The following TJP1 variants were observed in gnomAD, a reference collection of about 807,000 sequenced individuals.
The protein encoded by TJP1 is tight junction protein 1.
Under a neutral mutation model 194.2 loss-of-function variants are expected in TJP1, and 43 were observed. The ratio of observed to expected loss-of-function variants is 0.22; its 90% CI spans 0.17 to 0.29. The LOEUF (loss-of-function observed/expected upper bound fraction) is 0.29. Among genes scored for constraint, TJP1 ranks in the 10% least tolerant of loss-of-function variants. The pLI is 1.00. For missense variants in TJP1, 1,971 were observed against 2,185.7 expected (o/e 0.90, Z 1.96); for synonymous variants, 801 against 779.0 (o/e 1.03, Z -0.47).
chr15:29,821,294 C>G (rs41280062), intron 1 of TJP1: 1 of 152,110 alleles, frequency 6.6e-6, no homozygotes. Context: ...CTGAACTCAC[C>G]GGCCTTTACT....
chr15:29,791,788 T>C (rs1468410864), intron 2 of TJP1, among the ~76,000 whole-genome samples: 1 of 152,162 alleles, frequency 6.6e-6, no homozygotes, highest in African/African-American at 2.4e-5. Flanking sequence ...GCATTTGTTA[T>C]TGCCTGTCTT....
At chr15:29,938,047 C>G (rs754572756) in intron 2 of TJP1, among the ~76,000 whole-genome samples, 1 of 152,184 alleles carries the variant, frequency 6.6e-6, no homozygotes, top group Non-Finnish European at 1.5e-5. Context: ...AATACAGGAC[C>G]TGTAATATGC....
intron 2 of TJP1, among the ~76,000 whole-genome samples, chr15:29,950,098 C>T (rs1426840305): frequency 1.4e-5 from 1 of 70,398 alleles, no homozygotes; most frequent in African/African-American, 6.1e-5. Context: ...TCACCACCAC[C>T]TCCACCACCA....
chr15:29,919,126 G>C (rs1469178693), intron 2 of TJP1, among the ~76,000 whole-genome samples: 1 of 152,220 alleles, frequency 6.6e-6, no homozygotes, highest in Non-Finnish European at 1.5e-5. Flanking sequence ...GGTCTCAATA[G>C]CAACATTCAG....
At chr15:29,780,682 G>C (rs1290717190) in intron 2 of TJP1, among the ~76,000 whole-genome samples, 1 of 151,852 alleles carries the variant, frequency 6.6e-6, no homozygotes, top group Non-Finnish European at 1.5e-5. Context: ...AAGAGGGAGA[G>C]GATTAAAACT....
intron 18 of TJP1, among the ~76,000 whole-genome samples, chr15:29,722,901 T>C (rs2043019846): frequency 6.6e-6 from 1 of 152,250 alleles, no homozygotes; most frequent in East Asian, 1.9e-4. Flanking sequence ...TAAGATTTAA[T>C]GACTAATCTA....
chr15:29,840,749 G>A (rs926870572), intron 2 of TJP1, among the ~76,000 whole-genome samples: 3 of 152,184 alleles, frequency 2.0e-5, no homozygotes, highest in Non-Finnish European at 2.9e-5. Context: ...GGTTTGCTTA[G>A]ATAGGATGCC....
intron 8 of TJP1, chr15:29,759,776 A>G (rs902485891): frequency 6.4e-6 from 1 of 157,094 alleles, no homozygotes; most frequent in Non-Finnish European, 1.4e-5. Flanking sequence ...AGGTTCATCC[A>G]TGTTGTTCCA....
intron 2 of TJP1, among the ~76,000 whole-genome samples, chr15:29,916,338 C>T (rs943771765): frequency 4.0e-5 from 6 of 151,360 alleles, no homozygotes; most frequent in African/African-American, 1.5e-4. Context: ...TGTAAGGTCT[C>T]AGAAGCCCTA....
At chr15:29,810,637 AAAT>A (rs772595353) in intron 1 of TJP1, among the ~76,000 whole-genome samples, 1 of 152,220 alleles carries the variant, frequency 6.6e-6, no homozygotes, top group Non-Finnish European at 1.5e-5. Context: ...GATACTAATC[AAAT>A]AATAGCAGAG....
At chr15:29,953,650 C>A (rs923299243) in intron 2 of TJP1, among the ~76,000 whole-genome samples, 1 of 151,938 alleles carries the variant, frequency 6.6e-6, no homozygotes, top group African/African-American at 2.4e-5. Context: ...ATGAAACATG[C>A]GCATTGTGAA....
intron 2 of TJP1, among the ~76,000 whole-genome samples, chr15:29,783,367 A>G (rs2047495581): frequency 6.6e-6 from 1 of 152,186 alleles, no homozygotes; most frequent in African/African-American, 2.4e-5. Flanking sequence ...GATGCTGGCA[A>G]GGCTACAGGG....
At chr15:29,719,462 T>C (rs2042795841) in intron 20 of TJP1, among the ~76,000 whole-genome samples, 1 of 152,208 alleles carries the variant, frequency 6.6e-6, no homozygotes, top group African/African-American at 2.4e-5. Context: ...TTTATGGGCA[T>C]CATAATTTGT....
At chr15:29,828,271 T>A (rs902119330) in intron 2 of TJP1, among the ~76,000 whole-genome samples, 7 of 152,198 alleles carry the variant, frequency 4.6e-5, no homozygotes, top group African/African-American at 1.7e-4. Flanking sequence ...ATATTTCACC[T>A]TGGAGATTAT....
intron 2 of TJP1, among the ~76,000 whole-genome samples, chr15:29,918,867 C>T (rs1339411831): frequency 1.3e-5 from 2 of 152,060 alleles, no homozygotes; most frequent in Admixed American, 1.3e-4. Context: ...TGAAGATGGT[C>T]CAACAGCAAA....
At chr15:29,731,312 A>G (rs990879391) in intron 15 of TJP1, among the ~76,000 whole-genome samples, 1 of 152,136 alleles carries the variant, frequency 6.6e-6, no homozygotes, top group Non-Finnish European at 1.5e-5. Context: ...ATGGAAAAAC[A>G]AATTTGTTTT....
intron 1 of TJP1, among the ~76,000 whole-genome samples, chr15:29,816,123 G>A (rs1031219832): frequency 6.6e-6 from 1 of 152,074 alleles, no homozygotes; most frequent in African/African-American, 2.4e-5. Flanking sequence ...TGCTTCCTGG[G>A]TTCAAATGAT....
rs560799107 is a variant in TJP1, at chr15:29,954,988, G to T, written c.306+1244C>A. 8.5e-5 allele frequency among the ~76,000 whole-genome samples: 13 copies of T among 152,152 alleles called. No individual in the cohort carries two copies. In the East Asian group the frequency reaches 2.5e-3, roughly 29 times the overall value. ...CCAGCTACTCAGGAGGCTGAGGCAG[G>T]AGAATTGCTTGAACCCGGGAAGCAG... On this transcript the variant is annotated intron_variant, in intron 2 of 28. Transcript: ENST00000356107.
intron 10 of TJP1, among the ~76,000 whole-genome samples, chr15:29,738,410 A>T (rs949809043): frequency 1.3e-5 from 2 of 152,220 alleles, no homozygotes; most frequent in Non-Finnish European, 2.9e-5. Flanking sequence ...TTGAGGAAGG[A>T]GAGATTTCTA....
Sources: gnomAD v4.1 joint callset for allele counts (sites outside exome capture counted in the v4.1 genomes callset) on GRCh38, gnomAD v4.1.1 for gene constraint, MANE v1.5 for transcripts, NCBI Gene and HGNC (gene_info 2026-07-23, HGNC 2026-07-21) for gene names.